The following AUTS2 variants were observed in gnomAD, a reference collection of about 807,000 sequenced individuals.
AUTS2 encodes autism susceptibility gene 2 protein.
AUTS2 carries 17 observed loss-of-function variants against 112.4 expected under a neutral mutation model. The ratio of observed to expected loss-of-function variants is 0.15; its 90% CI spans 0.10 to 0.23. The LOEUF is 0.23. AUTS2 is among the 10% of genes least tolerant of loss of function. The pLI, the probability that AUTS2 is intolerant of heterozygous loss-of-function variation, is 1.00. For missense variants in AUTS2, 1,510 were observed against 1,701.6 expected (o/e 0.89, Z 1.98); for synonymous variants, 751 against 702.7 (o/e 1.07, Z -1.09).
At chr7:69,883,969 C>T (rs546758189) in intron 1 of AUTS2, among the ~76,000 whole-genome samples, 1 of 152,332 alleles carries the variant, frequency 6.6e-6, no homozygotes, top group East Asian at 1.9e-4. Context: ...GTGGTGACAT[C>T]AATAAATCCT....
intron 1 of AUTS2, among the ~76,000 whole-genome samples, chr7:69,759,637 A>G (rs939630288): frequency 2.6e-5 from 4 of 151,954 alleles, no homozygotes; most frequent in African/African-American, 4.8e-5. Context: ...TGTGCATTGG[A>G]CAGTTAGATC....
intron 6 of AUTS2, among the ~76,000 whole-genome samples, chr7:70,707,309 A>G (rs1391885524): frequency 1.3e-5 from 2 of 152,220 alleles, no homozygotes; most frequent in Non-Finnish European, 2.9e-5. Flanking sequence ...TTCACTTTAT[A>G]TGTAATTCAC....
intron 4 of AUTS2, among the ~76,000 whole-genome samples, chr7:70,378,291 G>T (rs934153547): frequency 3.3e-5 from 5 of 152,198 alleles, no homozygotes; most frequent in Non-Finnish European, 7.3e-5. Context: ...ATACTCAGAA[G>T]TGGCTATTGA....
At chr7:70,007,497 G>GGTA (rs1262016452) in intron 2 of AUTS2, among the ~76,000 whole-genome samples, 2 of 151,996 alleles carry the variant, frequency 1.3e-5, no homozygotes, top group Non-Finnish European at 2.9e-5. Context: ...TGGATCTGGT[G>GGTA]GTAGTAGTAG....
At chr7:70,707,633 C>T (rs1809809328) in intron 6 of AUTS2, among the ~76,000 whole-genome samples, 1 of 152,116 alleles carries the variant, frequency 6.6e-6, no homozygotes, top group South Asian at 2.1e-4. Context: ...ATTTAATCTT[C>T]TCATAAAACA....
intron 4 of AUTS2, among the ~76,000 whole-genome samples, chr7:70,380,163 T>C (rs921864517): frequency 2.6e-5 from 4 of 152,204 alleles, no homozygotes; most frequent in Non-Finnish European, 5.9e-5. Flanking sequence ...CACTTTTTCA[T>C]TGTAACATTT....
chr7:70,445,213 G>GA (rs1796273839), intron 5 of AUTS2, among the ~76,000 whole-genome samples: 2 of 152,092 alleles, frequency 1.3e-5, no homozygotes, highest in South Asian at 4.1e-4. Flanking sequence ...TTACAAATAA[G>GA]AAAAATGAGG....
At chr7:70,122,707 A>T (rs1248234097) in intron 3 of AUTS2, among the ~76,000 whole-genome samples, 3 of 152,114 alleles carry the variant, frequency 2.0e-5, no homozygotes, top group Non-Finnish European at 4.4e-5. Flanking sequence ...TTTTTGCAAC[A>T]TTACTGAAAA....
intron 4 of AUTS2, among the ~76,000 whole-genome samples, chr7:70,284,995 T>C (rs1373941992): frequency 6.6e-6 from 1 of 152,234 alleles, no homozygotes; most frequent in Non-Finnish European, 1.5e-5. Flanking sequence ...TTGTTTCCTT[T>C]TTGTTGTATT....
At chr7:69,862,607 GT>G (rs1793039670) in intron 1 of AUTS2, among the ~76,000 whole-genome samples, 2 of 152,140 alleles carry the variant, frequency 1.3e-5, no homozygotes, top group South Asian at 4.1e-4. Flanking sequence ...TTTTAATCCA[GT>G]TACTTAGGAT....
intron 5 of AUTS2, among the ~76,000 whole-genome samples, chr7:70,505,631 C>A (rs1307594775): frequency 6.6e-6 from 1 of 152,136 alleles, no homozygotes; most frequent in Non-Finnish European, 1.5e-5. Context: ...AAGTTCCTGC[C>A]GACACAGATT....
chr7:70,098,640 T>G (rs1205722073), intron 2 of AUTS2, among the ~76,000 whole-genome samples: 1 of 152,098 alleles, frequency 6.6e-6, no homozygotes, highest in Non-Finnish European at 1.5e-5. Context: ...TTGTTGATGT[T>G]GTAGACCATG....
At chr7:70,156,590 C>G (rs1272572792) in intron 4 of AUTS2, among the ~76,000 whole-genome samples, 2 of 152,048 alleles carry the variant, frequency 1.3e-5, no homozygotes, top group African/African-American at 4.8e-5. Flanking sequence ...CATAACCTAT[C>G]CTGGTGGTTG....
At chr7:70,661,640 T>C (rs1807078855) in intron 5 of AUTS2, among the ~76,000 whole-genome samples, 2 of 152,184 alleles carry the variant, frequency 1.3e-5, no homozygotes, top group South Asian at 4.1e-4. Flanking sequence ...CGAATGCTGG[T>C]GTAGAGCAGT....
intron 5 of AUTS2, among the ~76,000 whole-genome samples, chr7:70,676,515 G>T (rs1260953981): frequency 6.6e-6 from 1 of 152,200 alleles, no homozygotes; most frequent in African/African-American, 2.4e-5. Context: ...GGGAGTCTGA[G>T]GGGTGGAGTG....
rs1808915524 is a variant in AUTS2, at chr7:70,694,076, G to A, written c.691-4493G>A. On this transcript the variant is annotated intron_variant, in intron 5 of 18. Coordinates refer to ENST00000342771, the MANE Select transcript of AUTS2 (RefSeq NM_015570.4). The surrounding 1 kb of genome is among the most constrained non-coding windows in gnomAD (Gnocchi z 4.1). ...AGAGCTGCGAGCGTCTGGAGGAGGCGCGCTCGGCGCAGTCGGGGAGCGAAG... is the reference window on the plus strand; with the variant it reads ...AGAGCTGCGAGCGTCTGGAGGAGGCACGCTCGGCGCAGTCGGGGAGCGAAG... 1 of 151,542 alleles carries A rather than the reference G, an allele frequency of 6.6e-6. No homozygotes were observed. Among genetic ancestry groups the A allele is most frequent in the Admixed American group, 6.6e-5 (1 of 15,204 alleles). 9.4% of individuals were successfully genotyped at this position (151,542 alleles called of 1,614,324 possible).
At chr7:70,267,228 A>G (rs538361718) in intron 4 of AUTS2, among the ~76,000 whole-genome samples, 1 of 151,688 alleles carries the variant, frequency 6.6e-6, no homozygotes, top group East Asian at 1.9e-4. Flanking sequence ...TGTTTAGTGC[A>G]TGGAAATGGC....
At chr7:70,479,301 G>A (rs1797700296) in intron 5 of AUTS2, among the ~76,000 whole-genome samples, 1 of 152,136 alleles carries the variant, frequency 6.6e-6, no homozygotes, top group African/African-American at 2.4e-5. Context: ...GTAAGGTTGG[G>A]GAAAGGACAC....
At chr7:69,773,458 C>CAAA (rs746707793) in intron 1 of AUTS2, among the ~76,000 whole-genome samples, 47 of 56,392 alleles carry the variant, frequency 8.3e-4, no homozygotes, top group African/African-American at 3.1e-3. Flanking sequence ...AGGCACAGAC[C>CAAA]AAAAAAAAAA....
Sources: gnomAD v4.1 joint callset for allele counts (sites outside exome capture counted in the v4.1 genomes callset) on GRCh38, gnomAD v4.1.1 for gene constraint, Gnocchi (gnomAD v3.1) non-coding constraint, MANE v1.5 for transcripts, NCBI Gene and HGNC (gene_info 2026-07-23, HGNC 2026-07-21) for gene names.